TASP1: variants seen among roughly 807,000 people sequenced by gnomAD.
TASP1 encodes the protein threonine aspartase 1.
A neutral mutation model predicts 56.6 loss-of-function variants in TASP1; 16 were observed. That is an observed-to-expected ratio of 0.28 (90% CI 0.19 to 0.43). TASP1 has a LOEUF of 0.43. Among genes scored for constraint, TASP1 ranks in the 20% least tolerant of loss-of-function variants. The pLI, the probability that TASP1 is intolerant of heterozygous loss-of-function variation, is 1.00. For missense variants in TASP1, 393 were observed against 511.6 expected (o/e 0.77, Z 2.24); for synonymous variants, 179 against 184.2 (o/e 0.97, Z 0.23).
chr20:13,343,562 C>T, the TASP1 span, among the ~76,000 whole-genome samples: 12 of 149,886 alleles, frequency 8.0e-5, no homozygotes, highest in African/African-American at 2.7e-4. Flanking sequence ...TGGATGGGGC[C>T]GCCCCACCCC....
the TASP1 span, among the ~76,000 whole-genome samples, chr20:13,175,423 G>A: frequency 1.3e-5 from 2 of 152,136 alleles, no homozygotes; most frequent in Non-Finnish European, 1.5e-5. Flanking sequence ...TAGTAACAGA[G>A]GTTTTTCCCT....
the TASP1 span, among the ~76,000 whole-genome samples, chr20:13,335,548 G>A: frequency 6.6e-6 from 1 of 151,970 alleles, no homozygotes; most frequent in African/African-American, 2.4e-5. Context: ...GCGATCTGCA[G>A]AGTCTCCAGC....
At chr20:13,328,480 C>G in the TASP1 span, among the ~76,000 whole-genome samples, 23 of 152,160 alleles carry the variant, frequency 1.5e-4, no homozygotes, top group Non-Finnish European at 3.2e-4. Flanking sequence ...AAATATAAAT[C>G]ATTTTATTAT....
chr20:13,514,276 C>T (rs2044442667), intron 10 of TASP1, among the ~76,000 whole-genome samples: 1 of 151,950 alleles, frequency 6.6e-6, no homozygotes, highest in Non-Finnish European at 1.5e-5. Context: ...ATATAATTTA[C>T]TAGGAAATTT....
the TASP1 span, among the ~76,000 whole-genome samples, chr20:13,173,217 C>T: frequency 6.6e-6 from 1 of 152,182 alleles, no homozygotes; most frequent in Admixed American, 6.5e-5. Flanking sequence ...CTATAAAAAG[C>T]AGAATTGCTG....
chr20:13,321,969 G>T, the TASP1 span, among the ~76,000 whole-genome samples: 2,344 of 152,122 alleles, frequency 0.015, 54 homozygotes, highest in African/African-American at 0.053. Flanking sequence ...TGATCATAAC[G>T]ATACTGTTGC....
At chr20:13,164,530 T>C in the TASP1 span, 1 of 573,384 alleles carries the variant, frequency 1.7e-6, no homozygotes, top group Non-Finnish European at 3.2e-6. Context: ...TAAACATTCA[T>C]AGTATGGAGT....
the TASP1 span, chr20:13,270,635 G>C: frequency 1.2e-6 from 2 of 1,613,930 alleles, no homozygotes; most frequent in South Asian, 2.2e-5. Flanking sequence ...GACAAGAGAC[G>C]GGGCACCCTT....
chr20:13,310,024 T>C, the TASP1 span, among the ~76,000 whole-genome samples: 1 of 152,098 alleles, frequency 6.6e-6, no homozygotes, highest in African/African-American at 2.4e-5. Context: ...CCCAAAGCAA[T>C]CTACAAATTC....
chr20:13,340,693 G>A, the TASP1 span, among the ~76,000 whole-genome samples: 1 of 152,036 alleles, frequency 6.6e-6, no homozygotes, highest in African/African-American at 2.4e-5. Flanking sequence ...CACTCTCTTA[G>A]TGATTTTGAA....
At chr20:13,619,161 G>A (rs2048625778) in intron 4 of TASP1, among the ~76,000 whole-genome samples, 1 of 152,094 alleles carries the variant, frequency 6.6e-6, no homozygotes, top group African/African-American at 2.4e-5. Flanking sequence ...GCCTCCCAAA[G>A]TGCTGGGATT....
chr20:13,204,548 T>C, the TASP1 span, among the ~76,000 whole-genome samples: 1 of 151,310 alleles, frequency 6.6e-6, no homozygotes, highest in Non-Finnish European at 1.5e-5. Flanking sequence ...TATATATATG[T>C]ATATTTTTTG....
chr20:13,174,189 A>C, the TASP1 span, among the ~76,000 whole-genome samples: 1 of 152,178 alleles, frequency 6.6e-6, no homozygotes, highest in African/African-American at 2.4e-5. Context: ...TACAGGTCTG[A>C]TTTTAGAAAA....
chr20:13,458,771 C>T (rs1055454299), intron 11 of TASP1, among the ~76,000 whole-genome samples: 12 of 152,250 alleles, frequency 7.9e-5, no homozygotes, highest in South Asian at 4.2e-4. Flanking sequence ...TGTTAGTTAA[C>T]GCCACAGCTC....
intron 11 of TASP1, among the ~76,000 whole-genome samples, chr20:13,461,687 T>A (rs1193149002): frequency 6.6e-6 from 1 of 152,162 alleles, no homozygotes; most frequent in African/African-American, 2.4e-5. Context: ...TAAAATTTTG[T>A]TTACAAAATC....
chr20:13,110,122 C>A, the TASP1 span: 8 of 1,611,256 alleles, frequency 5.0e-6, no homozygotes, highest in Non-Finnish European at 6.8e-6. Flanking sequence ...ACACACAAAG[C>A]CTAGAGAAGC....
the TASP1 span, among the ~76,000 whole-genome samples, chr20:13,178,591 T>C: frequency 2.6e-5 from 4 of 151,912 alleles, no homozygotes; most frequent in Admixed American, 6.6e-5. Flanking sequence ...ATCCTGTCAT[T>C]TGGGGCAACA....
chr20:13,533,993 G>C, intron 9 of TASP1, 29 bp downstream of exon 9: 1 of 1,585,190 alleles, frequency 6.3e-7, no homozygotes, highest in Non-Finnish European at 8.6e-7. Context: ...ACTTTGAAAG[G>C]CTAGTTTAAA....
the TASP1 span, among the ~76,000 whole-genome samples, chr20:13,181,419 C>G: frequency 6.6e-6 from 1 of 152,142 alleles, no homozygotes; most frequent in African/African-American, 2.4e-5. Context: ...GTCCCTGGGT[C>G]TGATTTTAGG....
Sources: allele counts gnomAD v4.1 joint callset (sites outside exome capture counted in the v4.1 genomes callset), GRCh38; gene constraint gnomAD v4.1.1; transcripts MANE v1.5; gene names NCBI Gene and HGNC (gene_info 2026-07-23, HGNC 2026-07-21).